Variants in MROH2B observed in about 807,000 individuals in gnomAD.
MROH2B encodes the protein maestro heat-like repeat-containing protein family member 2B.
A neutral mutation model predicts 208.6 loss-of-function variants in MROH2B; 177 were observed. The observed-to-expected ratio is 0.85, with a 90% CI of 0.75 to 0.96. MROH2B has a LOEUF of 0.96. Ranked by LOEUF, MROH2B falls within the 40% of genes least tolerant of loss-of-function variation. MROH2B has a pLI of 0.00. For missense variants in MROH2B, 2,002 were observed against 1,878.7 expected (o/e 1.07, Z -1.21); for synonymous variants, 728 against 659.0 (o/e 1.10, Z -1.60).
At chr5:41,036,692 G>T (rs1469134958) in intron 21 of MROH2B, among the ~76,000 whole-genome samples, 1 of 152,050 alleles carries the variant, frequency 6.6e-6, no homozygotes, top group Non-Finnish European at 1.5e-5. Flanking sequence ...AGGGGGACAA[G>T]GGTAAAAAAA....
rs560009172 is a variant in MROH2B, at chr5:41,050,104, T to C, written c.1345-668A>G. Among the ~76,000 whole-genome samples, 4 of 152,336 alleles carry C rather than the reference T, an allele frequency of 2.6e-5. No individual in the cohort carries two copies. The South Asian group carries it at 8.3e-4, about 32-fold the overall frequency. The stretch of plus-strand genomic sequence containing the variant: ...ATGTCTCATTTCTATTGCAATGACA[T>C]TGCTGTAATTGCTACAAGTTGCATC... On this transcript the variant is annotated intron_variant, in intron 13 of 41. Coordinates refer to ENST00000399564, the MANE Select transcript of MROH2B (RefSeq NM_173489.5).
intron 24 of MROH2B, among the ~76,000 whole-genome samples, chr5:41,020,932 A>T (rs1217962536): frequency 6.6e-6 from 1 of 152,222 alleles, no homozygotes; most frequent in African/African-American, 2.4e-5. Flanking sequence ...ATAGTGCTGG[A>T]AGTTCTAGCC....
chr5:41,066,202 C>T lies in MROH2B; in HGVS notation c.202-712G>A, dbSNP rs76429763. On this transcript the variant is annotated intron_variant, in intron 3 of 41. Coordinates refer to ENST00000399564, the MANE Select transcript of MROH2B (RefSeq NM_173489.5). ...GTTAATCTGGCCTAATAATCATGTC[C>T]AGTATTGGTGGTATTGGGAAAGATT... 2.4e-3 allele frequency among the ~76,000 whole-genome samples: 368 copies of T among 152,150 alleles called. 11 individuals are homozygous for T. In the East Asian group the frequency reaches 0.068, roughly 28 times the overall value.
chr5:40,998,655 G>A lies in MROH2B; in HGVS notation c.4608C>T (p.Thr1536=). The change falls in exon 41 of 42, where the codon ACC becomes ACT. Residue 1536 remains threonine, a synonymous_variant. Coordinates refer to ENST00000399564, the MANE Select transcript of MROH2B (RefSeq NM_173489.5). ...KLTDAVVLNL[T]SQYVELLDRE... The stretch of plus-strand genomic sequence containing the variant: ...TGTCTAGTAACTCCACATATTGGCT[G>A]GTCAAATTGAGAACAACGGCATCTA... 2 of 1,590,940 alleles carry A rather than the reference G, an allele frequency of 1.3e-6. No individual in the cohort carries two copies. Among genetic ancestry groups the A allele is most frequent in the Non-Finnish European group, 1.7e-6 (2 of 1,167,810 alleles).
At chr5:41,029,970 G>A (rs1318736700) in intron 24 of MROH2B, among the ~76,000 whole-genome samples, 2 of 151,544 alleles carry the variant, frequency 1.3e-5, no homozygotes, top group South Asian at 2.1e-4. Context: ...AAAACAAAAC[G>A]AAACAAAAAC....
In MROH2B at chr5:41,049,455, G is replaced by A. The variant is rs373651777; in HGVS notation, c.1345-19C>T. 5 of 1,599,730 alleles carry A rather than the reference G, an allele frequency of 3.1e-6. No homozygotes were observed. In the African/African-American group the frequency reaches 5.4e-5, roughly 17 times the overall value. Reference sequence around the variant, plus strand: ...ATAGCACCTGTGGAAAACAGGGCATGATGCAAGGATTGCTTATTCTTTTCC... The same window carrying A: ...ATAGCACCTGTGGAAAACAGGGCATAATGCAAGGATTGCTTATTCTTTTCC... On this transcript the variant is annotated intron_variant, in intron 13 of 41. Coordinates refer to ENST00000399564, the MANE Select transcript of MROH2B (RefSeq NM_173489.5).
At chr5:41,058,572 C>T (rs1743535255) in intron 6 of MROH2B, among the ~76,000 whole-genome samples, 1 of 152,154 alleles carries the variant, frequency 6.6e-6, no homozygotes, top group Admixed American at 6.5e-5. Context: ...ATTCTCCCGC[C>T]TCAGCCTCCT....
At chr5:41,040,944 TG>T (rs1342627422) in intron 19 of MROH2B, among the ~76,000 whole-genome samples, 2 of 152,130 alleles carry the variant, frequency 1.3e-5, no homozygotes, top group Non-Finnish European at 2.9e-5. Context: ...GGATTACAGT[TG>T]TGAACCACTG....
At chr5:41,010,163 GGGC>G in intron 30 of MROH2B, 84 bp from the exon 31 acceptor site, 2 of 1,278,724 alleles carry the variant, frequency 1.6e-6, no homozygotes, top group Non-Finnish European at 2.2e-6. Context: ...TGTCGTGGAT[GGGC>G]AGCTGATGAA....
At position 41,064,627 on chromosome 5, in the gene MROH2B, C is replaced by T. The variant is rs556719535; in HGVS notation, c.362-57G>A. On this transcript the variant is annotated intron_variant, in intron 4 of 41. Transcript: ENST00000399564. Reference sequence around the variant, plus strand: ...TATTTATCTTCTCAAATTTGGGGTTCTGTGACTCCAAATCAACAAGAAGCA... The same window carrying T: ...TATTTATCTTCTCAAATTTGGGGTTTTGTGACTCCAAATCAACAAGAAGCA... 40 of 1,328,320 alleles carry T rather than the reference C, an allele frequency of 3.0e-5. 2 individuals carry two copies. Among genetic ancestry groups the T allele is most frequent in the African/African-American group, 2.9e-4 (20 of 69,490 alleles). 82.3% of individuals were successfully genotyped at this position (1,328,320 alleles called of 1,614,324 possible). A position where few individuals can be genotyped will look rare whatever the true frequency, so the allele number is the denominator to read the frequency against.
chr5:41,057,563 C>CTTTTTTTTTTT (rs776904759), intron 7 of MROH2B, among the ~76,000 whole-genome samples: 28,243 of 72,620 alleles, frequency 0.39, 9,170 homozygotes, highest in Non-Finnish European at 0.49. Context: ...AATATCCCTC[C>CTTTTTTTTTTT]TTTTTTTTTT....
In MROH2B at chr5:41,018,356, C is replaced by G; in HGVS notation, c.2748G>C (p.Leu916=). ...ERAFQITAKV[L]TNDIEAPENF... ...GATTACTTACCTCAATATCATTTGTCAGCACTTTCGCAGTGATCTGGAAGG... is the reference window on the plus strand; with the variant it reads ...GATTACTTACCTCAATATCATTTGTGAGCACTTTCGCAGTGATCTGGAAGG... Residue 916 remains leucine, a synonymous_variant, in exon 27 of 42, where the codon CTG becomes CTC. Transcript: ENST00000399564. 6 of 1,612,830 alleles carry G rather than the reference C, an allele frequency of 3.7e-6. No homozygotes were observed. The highest frequency in any genetic ancestry group is 5.1e-6 in the Non-Finnish European group (6 of 1,179,506).
At chr5:41,034,323 C>A (rs1445619406) in intron 21 of MROH2B, among the ~76,000 whole-genome samples, 1 of 152,104 alleles carries the variant, frequency 6.6e-6, no homozygotes, top group Non-Finnish European at 1.5e-5. Context: ...ATGAGATTGA[C>A]ATGCTGTATC....
At chr5:41,023,754 A>G (rs867553445) in intron 24 of MROH2B, among the ~76,000 whole-genome samples, 1 of 152,230 alleles carries the variant, frequency 6.6e-6, no homozygotes, top group African/African-American at 2.4e-5. Context: ...AGTTGAAATG[A>G]AGGAAAAAAT....
At chr5:41,052,977 T>G (rs576819539) in intron 11 of MROH2B, among the ~76,000 whole-genome samples, 8 of 152,258 alleles carry the variant, frequency 5.3e-5, no homozygotes, top group Admixed American at 3.9e-4. Flanking sequence ...CCTGTATAAA[T>G]AGAGGGAGAA....
rs763563582 is a variant in MROH2B at position 41,039,453 on chromosome 5, A to T, written c.2056T>A (p.Cys686Ser). 2.5e-6 allele frequency: 4 copies of T among 1,570,792 alleles called. No homozygotes were observed. The highest frequency in any genetic ancestry group is 2.2e-5 in the East Asian group (1 of 44,484). The change falls in exon 20 of 42, where the codon TGT becomes AGT. Residue 686 changes from cysteine to serine, a missense_variant. By Grantham distance (112) the Cys-to-Ser change is moderately radical. Transcript: ENST00000399564. ...AAGGAGATGATTCTTCTTACCTTAC[A>T]TCGATTCATGAAAAACTTTTCCTGA... ...QNQEKFFMNR[C>S]KSLFSGKKSL...
chr5:41,058,110 G>A lies in MROH2B; in HGVS notation c.709C>T (p.Leu237Phe), dbSNP rs748612046. The A allele has an allele frequency of 1.2e-6, 2 of 1,606,464 alleles. No individual in the cohort carries two copies. Among genetic ancestry groups the A allele is most frequent in the Admixed American group, 1.7e-5 (1 of 58,868 alleles). ...TCTTTGTCTTTATACTGGTTCAGGA[G>A]CCAGGGCACCTGGCCCAGGGCGTAT... ...RGYALGQVPWLLNQYKDKEID... is the reference protein window; with the variant it reads ...RGYALGQVPWFLNQYKDKEID... Residue 237 changes from leucine (L) to phenylalanine (F), a missense_variant, in exon 7 of 42, where the codon CTC becomes TTC. Physicochemically the swap from Leu to Phe is conservative, Grantham distance 22. Coordinates refer to ENST00000399564, the MANE Select transcript of MROH2B (RefSeq NM_173489.5).
chr5:41,039,586 T>A, intron 19 of MROH2B, 31 bp from the exon 20 acceptor site: 1 of 1,423,452 alleles, frequency 7.0e-7, no homozygotes, highest in Admixed American at 2.1e-5. Context: ...ACATTTTGAG[T>A]TTAACCATTT....
intron 37 of MROH2B, among the ~76,000 whole-genome samples, chr5:41,002,416 A>G (rs1322838716): frequency 6.6e-6 from 1 of 152,210 alleles, no homozygotes; most frequent in African/African-American, 2.4e-5. Flanking sequence ...ATGGGGCAGC[A>G]GCCACATTTT....
Sources: allele counts gnomAD v4.1 joint callset (sites outside exome capture counted in the v4.1 genomes callset), GRCh38; gene constraint gnomAD v4.1.1; transcripts MANE v1.5; gene names NCBI Gene and HGNC (gene_info 2026-07-23, HGNC 2026-07-21).